Variants in TEKTL1 observed in about 807,000 individuals in gnomAD.
The protein encoded by TEKTL1 is tektin like 1.
chr19:15,021,897 C>T, the TEKTL1 span: 7 of 1,613,884 alleles, frequency 4.3e-6, no homozygotes, highest in East Asian at 1.1e-4. Flanking sequence ...ACCCAACTCC[C>T]GGAGGCTGCG....
At chr19:15,020,059 A>G in the TEKTL1 span, among the ~76,000 whole-genome samples, 1 of 151,754 alleles carries the variant, frequency 6.6e-6, no homozygotes, top group East Asian at 1.9e-4. Context: ...TGTAATTCCA[A>G]CACTTTGGAA....
the TEKTL1 span, chr19:15,011,042 T>C: frequency 1.9e-6 from 3 of 1,578,180 alleles, no homozygotes; most frequent in African/African-American, 4.0e-5. Flanking sequence ...GCCCTGGCGC[T>C]TCCGCGTGGA....
the TEKTL1 span, chr19:15,021,246 T>TA: frequency 2.1e-6 from 3 of 1,433,176 alleles, no homozygotes; most frequent in African/African-American, 1.4e-5. Flanking sequence ...AGTTCCTCAA[T>TA]AAAACCCCCT....
the TEKTL1 span, chr19:15,013,877 C>T: frequency 1.4e-6 from 1 of 708,022 alleles, no homozygotes; most frequent in Non-Finnish European, 2.5e-6. Flanking sequence ...ATAGCAATTC[C>T]TTCAAGCCAC....
chr19:15,020,340 G>A, the TEKTL1 span: 38 of 819,368 alleles, frequency 4.6e-5, no homozygotes, highest in Middle Eastern at 1.1e-3. Flanking sequence ...GTCAGTTTCC[G>A]TTTAGAGGTA....
the TEKTL1 span, chr19:15,020,697 C>T: frequency 6.5e-7 from 1 of 1,546,248 alleles, no homozygotes; most frequent in East Asian, 2.3e-5. Flanking sequence ...TGGTGCCCAC[C>T]CAGATCCCCT....
chr19:15,010,823 A>G, the TEKTL1 span: 1 of 1,532,514 alleles, frequency 6.5e-7, no homozygotes, highest in Non-Finnish European at 8.8e-7. Context: ...CCAAGCAGGG[A>G]CCATGCGCGT....
the TEKTL1 span, among the ~76,000 whole-genome samples, chr19:15,016,134 G>A: frequency 6.6e-6 from 1 of 151,362 alleles, no homozygotes. Context: ...CGAGGTAGGA[G>A]ACTCAGGGAC....
the TEKTL1 span, among the ~76,000 whole-genome samples, chr19:15,015,719 AG>A: frequency 6.6e-6 from 1 of 152,176 alleles, no homozygotes; most frequent in Admixed American, 6.6e-5. Context: ...TGAAGGAAGG[AG>A]GGAAGGAACA....
At chr19:15,013,384 C>T in the TEKTL1 span, among the ~76,000 whole-genome samples, 1 of 152,124 alleles carries the variant, frequency 6.6e-6, no homozygotes, top group Non-Finnish European at 1.5e-5. Flanking sequence ...AACAACCCTC[C>T]CCCAAGTTGA....
At chr19:15,016,201 T>C in the TEKTL1 span, among the ~76,000 whole-genome samples, 1 of 143,606 alleles carries the variant, frequency 7.0e-6, no homozygotes, top group South Asian at 2.3e-4. Flanking sequence ...TTTTTTTTTT[T>C]TTTTTTTTGA....
chr19:15,020,625 G>A, the TEKTL1 span: 96 of 1,613,820 alleles, frequency 5.9e-5, no homozygotes, highest in South Asian at 7.7e-5. Context: ...GTCAGAAAAC[G>A]CCTCCTCCAG....
At chr19:15,018,732 A>ATATT in the TEKTL1 span, among the ~76,000 whole-genome samples, 29 of 78,628 alleles carry the variant, frequency 3.7e-4, 3 homozygotes, top group East Asian at 8.6e-4. Flanking sequence ...ATATATATAT[A>ATATT]ACTTCCCTGG....
the TEKTL1 span, chr19:15,013,922 A>C: frequency 1.6e-6 from 1 of 614,908 alleles, no homozygotes; most frequent in Non-Finnish European, 2.9e-6. Context: ...TGCTTTGTGA[A>C]ATGGAAAAAG....
the TEKTL1 span, chr19:15,021,363 G>A: frequency 1.2e-6 from 2 of 1,614,164 alleles, no homozygotes; most frequent in East Asian, 2.2e-5. Flanking sequence ...CGTGCGCCTT[G>A]GCGCTAAACG....
chr19:15,020,555 A>AG, the TEKTL1 span: 1 of 1,613,920 alleles, frequency 6.2e-7, no homozygotes, highest in Non-Finnish European at 8.5e-7. Flanking sequence ...AAGGTTCTGG[A>AG]GCAGGCCAGA....
At chr19:15,014,741 G>GT in the TEKTL1 span, among the ~76,000 whole-genome samples, 4 of 123,886 alleles carry the variant, frequency 3.2e-5, no homozygotes, top group South Asian at 1.0e-3. Flanking sequence ...CGGGGGGCGG[G>GT]GGCTGCTGAA....
chr19:15,016,281 C>T, the TEKTL1 span, among the ~76,000 whole-genome samples: 1 of 147,114 alleles, frequency 6.8e-6, no homozygotes, highest in South Asian at 2.2e-4. Context: ...CCTCTGCCTT[C>T]CGAGTTCAAG....
At chr19:15,013,769 T>C in the TEKTL1 span, 1 of 1,609,464 alleles carries the variant, frequency 6.2e-7, no homozygotes, top group Middle Eastern at 1.7e-4. Flanking sequence ...TCAGAGGTCC[T>C]ACTCAAGGTT....
Sources: allele counts gnomAD v4.1 joint callset (sites outside exome capture counted in the v4.1 genomes callset), GRCh38; gene constraint gnomAD v4.1.1; transcripts MANE v1.5; gene names NCBI Gene and HGNC (gene_info 2026-07-23, HGNC 2026-07-21).